The following SLC2A9 variants were observed in gnomAD, a reference collection of about 807,000 sequenced individuals.
The protein encoded by SLC2A9 is solute carrier family 2 member 9.
In SLC2A9, 39 loss-of-function variants were observed where a neutral mutation model predicts 50.6. The observed-to-expected ratio is 0.77, with a 90% CI of 0.60 to 1.01. The LOEUF is 1.01. Among genes scored for constraint, SLC2A9 ranks in the 50% least tolerant of loss-of-function variants. The probability of loss-of-function intolerance (pLI) is 0.00; values close to 1 mark genes in which losing one functional copy is unlikely to be tolerated. For synonymous variants in SLC2A9, 324 were observed against 276.9 expected (o/e 1.17, Z -1.69); for missense variants, 686 against 677.6 (o/e 1.01, Z -0.14).
intron 9 of SLC2A9, among the ~76,000 whole-genome samples, chr4:9,889,241 C>G (rs1736882460): frequency 6.6e-6 from 1 of 152,112 alleles, no homozygotes; most frequent in Non-Finnish European, 1.5e-5. Flanking sequence ...TAGCCAAGCA[C>G]AGAAGAGCCC....
chr4:9,861,382 G>T (rs1731613773), intron 10 of SLC2A9, among the ~76,000 whole-genome samples: 1 of 151,996 alleles, frequency 6.6e-6, no homozygotes, highest in African/African-American at 2.4e-5. Flanking sequence ...GGGGGATGGT[G>T]CTAAACCATT....
rs566213013 is a variant in SLC2A9, at chr4:9,963,432, G to T, written c.681+17160C>A. Reference sequence around the variant, plus strand: ...TGTACCTTCCCTCCACATTGAGGGGGTAGCTCAATGCTACAGACCCCACGG... The same window carrying T: ...TGTACCTTCCCTCCACATTGAGGGGTTAGCTCAATGCTACAGACCCCACGG... On this transcript the variant is annotated intron_variant, in intron 5 of 11. Coordinates refer to ENST00000264784, the MANE Select transcript of SLC2A9 (RefSeq NM_020041.3). 2.6e-5 allele frequency among the ~76,000 whole-genome samples: 4 copies of T among 152,308 alleles called. No individual in the cohort carries two copies. In the South Asian group the frequency reaches 6.2e-4, roughly 24 times the overall value.
In SLC2A9 at chr4:9,843,127, A is replaced by C. The variant is rs1451705262; in HGVS notation, c.1292-8119T>G. Among the ~76,000 whole-genome samples the C allele has an allele frequency of 2.0e-5, 3 of 152,090 alleles. No individual in the cohort carries two copies. In the South Asian group the frequency reaches 6.2e-4, roughly 32 times the overall value. On this transcript the variant is annotated intron_variant, in intron 10 of 11. Coordinates refer to ENST00000264784, the MANE Select transcript of SLC2A9 (RefSeq NM_020041.3). ...TGAGCAGTGCTTTTGGCCTGCCACA[A>C]TGTGGGCTGAGAGAGCTGGGGAAGT...
downstream of SLC2A9, among the ~76,000 whole-genome samples, chr4:9,776,516 C>T (rs572747911): frequency 6.6e-5 from 10 of 152,056 alleles, no homozygotes; most frequent in South Asian, 6.2e-4. Flanking sequence ...AATCAGAGGC[C>T]GGCACAGCAA....
chr4:9,981,256 T>G (rs76367893), intron 4 of SLC2A9, among the ~76,000 whole-genome samples: 18,249 of 76,588 alleles, frequency 0.24, 5,965 homozygotes, highest in South Asian at 0.38. Flanking sequence ...GTGGCAATGA[T>G]GATGATGGTG....
chr4:10,021,257 G>A (rs756873827), intron 1 of SLC2A9, 23 bp downstream of exon 1: 1 of 1,611,424 alleles, frequency 6.2e-7, no homozygotes, highest in African/African-American at 1.3e-5. Context: ...CGCCAGCCAT[G>A]CAGAAAAGCT....
chr4:9,981,005 G>A (rs1755658427), intron 4 of SLC2A9, among the ~76,000 whole-genome samples: 2 of 152,106 alleles, frequency 1.3e-5, no homozygotes, highest in Non-Finnish European at 2.9e-5. Flanking sequence ...TGATAATGAC[G>A]GTGATGGTGA....
chr4:9,778,454 C>T (rs7657127), downstream of SLC2A9, among the ~76,000 whole-genome samples: 142,861 of 152,162 alleles, frequency 0.94, 67,225 homozygotes, highest in Middle Eastern at 0.96. Flanking sequence ...GTGAAGTCAG[C>T]AGGGATTGTT....
At chr4:9,899,940 T>G (rs1739288674) in intron 8 of SLC2A9, among the ~76,000 whole-genome samples, 1 of 152,226 alleles carries the variant, frequency 6.6e-6, no homozygotes, top group South Asian at 2.1e-4. Flanking sequence ...CCGTAGCTTC[T>G]GCAGTTTCTA....
At chr4:9,950,075 G>C (rs1232434061) in intron 5 of SLC2A9, among the ~76,000 whole-genome samples, 2 of 152,162 alleles carry the variant, frequency 1.3e-5, no homozygotes, top group African/African-American at 4.8e-5. Context: ...AACCTTACCT[G>C]TTGGGCATGA....
Position 9,887,556 on chromosome 4 carries a change from G to T in SLC2A9, c.1291+11C>A. ...CCTGGGCGGGGCAGTGGGGAGGGTG[G>T]GGTGCCTTACCTGGCCCACTGCAGA... On this transcript the variant is annotated intron_variant, in intron 10 of 11. Transcript: ENST00000264784. 6.4e-7 allele frequency: 1 copy of T among 1,554,864 alleles called. No individual in the cohort carries two copies. Among genetic ancestry groups the T allele is most frequent in the Non-Finnish European group, 8.7e-7 (1 of 1,149,952 alleles).
chr4:9,787,513 G>A (rs749770385), intron 3 of SLC2A9, among the ~76,000 whole-genome samples: 3 of 152,170 alleles, frequency 2.0e-5, no homozygotes, highest in Non-Finnish European at 4.4e-5. Context: ...CATCTAAGAT[G>A]TGATGCCCAT....
chr4:9,955,867 ATTTTT>A (rs1170286158), intron 5 of SLC2A9, among the ~76,000 whole-genome samples: 1 of 61,692 alleles, frequency 1.6e-5, no homozygotes, highest in African/African-American at 6.9e-5. Context: ...AAGCATCTGG[ATTTTT>A]TTTTTTTTTT....
chr4:9,950,966 T>TA (rs1750144391), intron 5 of SLC2A9, among the ~76,000 whole-genome samples: 1 of 151,198 alleles, frequency 6.6e-6, no homozygotes, highest in African/African-American at 2.4e-5. Flanking sequence ...ACAATTACCA[T>TA]TCAATCCAGC....
intron 5 of SLC2A9, among the ~76,000 whole-genome samples, chr4:9,943,931 C>T (rs948928744): frequency 6.6e-6 from 1 of 152,240 alleles, no homozygotes; most frequent in African/African-American, 2.4e-5. Context: ...AGCAATACTG[C>T]TGCATGTTAA....
At chr4:9,908,607 G>A (rs1192662494) in intron 7 of SLC2A9, among the ~76,000 whole-genome samples, 2 of 151,340 alleles carry the variant, frequency 1.3e-5, no homozygotes, top group African/African-American at 4.8e-5. Flanking sequence ...CAATGTGCAG[G>A]TTAGTTACAT....
At chr4:9,948,237 C>CG (rs1181548901) in intron 5 of SLC2A9, among the ~76,000 whole-genome samples, 2 of 152,168 alleles carry the variant, frequency 1.3e-5, no homozygotes, top group Admixed American at 1.3e-4. Context: ...ACACATCCCC[C>CG]GGGTAGTGAT....
chr4:9,873,601 G>C (rs1301638135), intron 10 of SLC2A9, among the ~76,000 whole-genome samples: 5 of 152,216 alleles, frequency 3.3e-5, no homozygotes, highest in Non-Finnish European at 7.3e-5. Flanking sequence ...CTGTGGGACA[G>C]TGATGGACAT....
rs1388972858 is a variant in SLC2A9, at chr4:10,019,050, C to G, written c.174G>C (p.Val58=). The change falls in exon 2 of 12, where the codon GTG becomes GTC. Residue 58 remains valine (V), a synonymous_variant. Transcript: ENST00000264784. ...RRKDWSCSLL[V]ASLAGAFGSS... ...AGCCGAAGGCGCCCGCGAGGGAGGC[C>G]ACGAGGAGCGAGCAGGACCAGTCCT... 1.9e-6 allele frequency: 3 copies of G among 1,551,030 alleles called. No homozygotes were observed. The highest frequency in any genetic ancestry group is 2.0e-5 in the Admixed American group (1 of 50,990).
Sources: gnomAD v4.1 joint callset for allele counts (sites outside exome capture counted in the v4.1 genomes callset) on GRCh38, gnomAD v4.1.1 for gene constraint, MANE v1.5 for transcripts, NCBI Gene and HGNC (gene_info 2026-07-23, HGNC 2026-07-21) for gene names.